PDS5B: variants seen among roughly 807,000 people sequenced by gnomAD.
PDS5B encodes PDS5 cohesin associated factor B, also known as sister chromatid cohesion protein PDS5 homolog B.
Under a neutral mutation model 184.1 loss-of-function variants are expected in PDS5B, and 51 were observed. That is an observed-to-expected ratio of 0.28 (90% confidence interval 0.22 to 0.35). PDS5B has a LOEUF of 0.35. Among genes scored for constraint, PDS5B ranks in the 10% least tolerant of loss-of-function variants. The pLI, the probability that PDS5B is intolerant of heterozygous loss-of-function variation, is 1.00. For synonymous variants in PDS5B, 566 were observed against 569.2 expected, an observed-to-expected ratio of 0.99 and a Z score of 0.08; for missense variants, 1,180 against 1,723.3, an observed-to-expected ratio of 0.68 and a Z score of 5.58.
chr13:32,671,277 A>G (rs1000503732), intron 7 of PDS5B, among the ~76,000 whole-genome samples: 1 of 152,124 alleles, frequency 6.6e-6, no homozygotes, highest in Non-Finnish European at 1.5e-5. Flanking sequence ...GTGTTTTTTT[A>G]TGGAATTTGT....
chr13:32,592,632 G>A (rs184987583), intron 1 of PDS5B, among the ~76,000 whole-genome samples: 16 of 152,196 alleles, frequency 1.1e-4, no homozygotes, highest in Non-Finnish European at 1.9e-4. Flanking sequence ...GACTCTCCTA[G>A]CCTTCTGGGG....
chr13:32,661,646 G>T (rs1002999195), intron 6 of PDS5B, among the ~76,000 whole-genome samples: 2 of 151,730 alleles, frequency 1.3e-5, no homozygotes, highest in East Asian at 3.9e-4. Context: ...GGTTAAAGCC[G>T]TTAATTTATG....
chr13:32,763,939 C>T (rs1954498184), intron 30 of PDS5B, among the ~76,000 whole-genome samples: 1 of 152,088 alleles, frequency 6.6e-6, no homozygotes, highest in Admixed American at 6.5e-5. Flanking sequence ...AAAGGTGAGA[C>T]CACCCAGGAC....
At position 32,755,885 on chromosome 13, in the gene PDS5B, A is replaced by G; in HGVS notation, c.2985A>G (p.Thr995=). The G allele has an allele frequency of 1.3e-6, 2 of 1,578,854 alleles. No homozygotes were observed. Among genetic ancestry groups the G allele is most frequent in the African/African-American group, 1.4e-5 (1 of 74,056 alleles). ...TACCAGAGTATGTTGTTCCATATAC[A>G]ATTCACCTTTTGGCACATGACCCAG... is the stretch of plus-strand genomic sequence containing the variant. ...SLLPEYVVPY[T]IHLLAHDPDY... Residue 995 remains threonine, a synonymous_variant, in exon 26 of 35, where the codon ACA becomes ACG. Coordinates refer to ENST00000315596, the MANE Select transcript of PDS5B (RefSeq NM_015032.4).
intron 1 of PDS5B, among the ~76,000 whole-genome samples, chr13:32,597,583 T>G (rs1259807968): frequency 7.4e-6 from 1 of 135,886 alleles, no homozygotes; most frequent in East Asian, 2.5e-4. Context: ...CCGAGCACTT[T>G]GGGAGGCTGA....
chr13:32,725,130 G>A (rs570352119), intron 19 of PDS5B, among the ~76,000 whole-genome samples: 1 of 152,150 alleles, frequency 6.6e-6, no homozygotes, highest in South Asian at 2.1e-4. Context: ...AATTCTTATC[G>A]ATTCTTTGGT....
At chr13:32,606,049 A>C (rs919867740) in intron 1 of PDS5B, among the ~76,000 whole-genome samples, 1 of 152,026 alleles carries the variant, frequency 6.6e-6, no homozygotes, top group African/African-American at 2.4e-5. Flanking sequence ...TTTTAATTGG[A>C]GCATTTAGCC....
intron 2 of PDS5B, among the ~76,000 whole-genome samples, chr13:32,651,049 T>G (rs895025441): frequency 3.9e-5 from 6 of 152,242 alleles, no homozygotes; most frequent in Non-Finnish European, 8.8e-5. Context: ...AGATCATCAT[T>G]GTAATTACTA....
chr13:32,641,568 A>G (rs940402346), intron 1 of PDS5B, among the ~76,000 whole-genome samples: 2 of 152,086 alleles, frequency 1.3e-5, no homozygotes, highest in African/African-American at 4.8e-5. Flanking sequence ...TTCATCTTCA[A>G]ACATTTTTTC....
chr13:32,664,096 T>G (rs9596046), intron 6 of PDS5B, among the ~76,000 whole-genome samples: 1 of 151,988 alleles, frequency 6.6e-6, no homozygotes, highest in Non-Finnish European at 1.5e-5. Flanking sequence ...ATATATACCA[T>G]GTTTTCTTTA....
chr13:32,743,186 G>A (rs1042489777), intron 23 of PDS5B, among the ~76,000 whole-genome samples: 1 of 151,954 alleles, frequency 6.6e-6, no homozygotes, highest in African/African-American at 2.4e-5. Context: ...TTTGAAAGAT[G>A]TAGTAAGTAC....
intron 19 of PDS5B, among the ~76,000 whole-genome samples, chr13:32,716,667 G>C (rs1407701013): frequency 7.3e-6 from 1 of 137,236 alleles, no homozygotes; most frequent in South Asian, 2.4e-4. Flanking sequence ...AGGGAGGTGG[G>C]GGGGGTCAGC....
At chr13:32,702,758 T>A (rs78401596) in intron 17 of PDS5B, among the ~76,000 whole-genome samples, 1 of 152,166 alleles carries the variant, frequency 6.6e-6, no homozygotes, top group East Asian at 1.9e-4. Context: ...AAAACTGTTA[T>A]GAGATGATCC....
intron 30 of PDS5B, among the ~76,000 whole-genome samples, chr13:32,762,637 C>G (rs1050866772): frequency 6.6e-6 from 1 of 152,096 alleles, no homozygotes; most frequent in Non-Finnish European, 1.5e-5. Flanking sequence ...ATCTAATTCA[C>G]CCAGGCAGAA....
In PDS5B at chr13:32,679,647, A is replaced by AT. The variant is rs1290298863; in HGVS notation, c.1057+718_1057+719insT. Among the ~76,000 whole-genome samples the AT allele has an allele frequency of 3.9e-3, 583 of 151,332 alleles. 5 individuals carry two copies. Among genetic ancestry groups the AT allele is most frequent in the African/African-American group, 0.013 (544 of 41,274 alleles). ...GCGAAACTCTTTATCTCAAAAAAAA[A>AT]AAAAAAATAAATAAATAAATGAATA... is the stretch of plus-strand genomic sequence containing the variant. On this transcript the variant is annotated intron_variant, in intron 10 of 34. Transcript: ENST00000315596.
chr13:32,738,332 TAAG>T (rs2140965467), intron 21 of PDS5B, among the ~76,000 whole-genome samples: 1 of 152,314 alleles, frequency 6.6e-6, no homozygotes, highest in African/African-American at 2.4e-5. Context: ...ATTTTTCTAT[TAAG>T]AAATCTGACA....
intron 23 of PDS5B, among the ~76,000 whole-genome samples, chr13:32,745,272 A>T (rs1953702011): frequency 6.6e-6 from 1 of 152,228 alleles, no homozygotes; most frequent in Non-Finnish European, 1.5e-5. Flanking sequence ...TTGGTGCCTC[A>T]TCTATATATA....
At chr13:32,679,627 A>T (rs1455923053) in intron 10 of PDS5B, among the ~76,000 whole-genome samples, 1 of 151,682 alleles carries the variant, frequency 6.6e-6, no homozygotes, top group Non-Finnish European at 1.5e-5. Context: ...CAAGAGCGAA[A>T]CTCTTTATCT....
At chr13:32,634,036 T>G (rs2058499690) in intron 1 of PDS5B, among the ~76,000 whole-genome samples, 1 of 152,216 alleles carries the variant, frequency 6.6e-6, no homozygotes, top group Admixed American at 6.5e-5. Context: ...TTATATCCTC[T>G]CTTCAAATAC....
Sources: allele counts gnomAD v4.1 joint callset (sites outside exome capture counted in the v4.1 genomes callset), GRCh38; gene constraint gnomAD v4.1.1; transcripts MANE v1.5; gene names NCBI Gene and HGNC (gene_info 2026-07-23, HGNC 2026-07-21).